SLC22A15: variants seen among roughly 807,000 people sequenced by gnomAD.
The protein encoded by SLC22A15 is flipt 1.
A neutral mutation model predicts 62.7 loss-of-function variants in SLC22A15; 45 were observed. That is an observed-to-expected ratio of 0.72 (90% confidence interval 0.56 to 0.92). SLC22A15 has a LOEUF of 0.92. SLC22A15 is among the 40% of genes least tolerant of loss of function. The pLI, the probability that SLC22A15 is intolerant of heterozygous loss-of-function variation, is 0.00. For synonymous variants in SLC22A15, 264 were observed against 267.0 expected (o/e 0.99, Z 0.11); for missense variants, 622 against 665.6 (o/e 0.93, Z 0.72).
chr1:116,058,947 C>G (rs1658304076), intron 8 of SLC22A15, among the ~76,000 whole-genome samples: 1 of 152,080 alleles, frequency 6.6e-6, no homozygotes, highest in African/African-American at 2.4e-5. Context: ...ATACAGTGGA[C>G]TTTGGGGACT....
chr1:116,053,815 G>A (rs934816172), intron 8 of SLC22A15, among the ~76,000 whole-genome samples: 13 of 151,854 alleles, frequency 8.6e-5, no homozygotes, highest in Non-Finnish European at 1.6e-4. Context: ...AGCTTCATAA[G>A]TGAAGGAGAA....
At chr1:116,019,517 C>A in intron 2 of SLC22A15, 65 bp from the exon 3 acceptor site, 1 of 1,482,936 alleles carries the variant, frequency 6.7e-7, no homozygotes, top group African/African-American at 1.4e-5. Context: ...GTTTTTGTTG[C>A]ACATTTGGTT....
At chr1:116,024,173 G>A (rs1210105514) in intron 4 of SLC22A15, among the ~76,000 whole-genome samples, 1 of 152,176 alleles carries the variant, frequency 6.6e-6, no homozygotes, top group Non-Finnish European at 1.5e-5. Flanking sequence ...ACCAGTGGTG[G>A]GTTAGACAGG....
intron 10 of SLC22A15, 147 bp from the exon 11 acceptor site, chr1:116,066,373 G>A (rs922811918): frequency 1.6e-6 from 1 of 621,678 alleles, no homozygotes; most frequent in Non-Finnish European, 2.7e-6. Flanking sequence ...TTCTTTATGT[G>A]GAAAGAAGTG....
intron 1 of SLC22A15, among the ~76,000 whole-genome samples, chr1:115,988,358 A>C (rs1252542315): frequency 2.6e-5 from 4 of 152,122 alleles, no homozygotes; most frequent in Non-Finnish European, 5.9e-5. Flanking sequence ...TGGGGGGGAA[A>C]GGAATACTAT....
At chr1:116,011,208 A>G (rs1171078528) in intron 2 of SLC22A15, among the ~76,000 whole-genome samples, 1 of 152,174 alleles carries the variant, frequency 6.6e-6, no homozygotes, top group East Asian at 1.9e-4. Context: ...TGAATCATCC[A>G]TGGCACATTT....
At chr1:115,998,268 GT>G (rs1191077372) in intron 2 of SLC22A15, among the ~76,000 whole-genome samples, 2 of 152,044 alleles carry the variant, frequency 1.3e-5, no homozygotes, top group African/African-American at 4.8e-5. Context: ...TCTTTGTCTG[GT>G]TTTGGTGTCA....
At chr1:115,982,211 C>G (rs1346260440) in intron 1 of SLC22A15, among the ~76,000 whole-genome samples, 1 of 152,108 alleles carries the variant, frequency 6.6e-6, no homozygotes, top group Admixed American at 6.5e-5. Flanking sequence ...ACTTCTTTGA[C>G]CAAACACTCA....
intron 5 of SLC22A15, among the ~76,000 whole-genome samples, chr1:116,028,130 G>C (rs1022443311): frequency 6.6e-5 from 10 of 152,152 alleles, no homozygotes; most frequent in Non-Finnish European, 1.3e-4. Context: ...TCTAAATTGA[G>C]ATTTGGTGGG....
At chr1:115,981,540 C>A (rs1384399248) in intron 1 of SLC22A15, among the ~76,000 whole-genome samples, 1 of 152,168 alleles carries the variant, frequency 6.6e-6, no homozygotes, top group Non-Finnish European at 1.5e-5. Flanking sequence ...CCACACTGGC[C>A]CCCACACCCT....
chr1:116,027,165 C>T, intron 5 of SLC22A15, 143 bp downstream of exon 5: 1 of 769,516 alleles, frequency 1.3e-6, no homozygotes, highest in Non-Finnish European at 2.2e-6. Context: ...GCAAGTGCTC[C>T]AATTCTTGGC....
At chr1:116,000,954 G>A (rs963347052) in intron 2 of SLC22A15, among the ~76,000 whole-genome samples, 23 of 152,006 alleles carry the variant, frequency 1.5e-4, no homozygotes, top group Non-Finnish European at 2.8e-4. Context: ...ATTTCTTATT[G>A]CTCATTAATG....
At chr1:115,998,800 A>C (rs927077271) in intron 2 of SLC22A15, among the ~76,000 whole-genome samples, 2 of 150,990 alleles carry the variant, frequency 1.3e-5, no homozygotes, top group Non-Finnish European at 3.0e-5. Context: ...TCTCATCTTT[A>C]TTATTTCTTT....
At chr1:115,978,956 GCAA>G (rs1224570231) in intron 1 of SLC22A15, among the ~76,000 whole-genome samples, 1 of 152,132 alleles carries the variant, frequency 6.6e-6, no homozygotes, top group Non-Finnish European at 1.5e-5. Flanking sequence ...CAACAACACA[GCAA>G]CAAGGCCAGA....
At chr1:116,038,035 G>T (rs1009853836) in intron 8 of SLC22A15, among the ~76,000 whole-genome samples, 3 of 152,108 alleles carry the variant, frequency 2.0e-5, no homozygotes, top group Admixed American at 6.5e-5. Context: ...TGTAGCTATT[G>T]CTGGTTTTCA....
intron 1 of SLC22A15, among the ~76,000 whole-genome samples, chr1:115,988,533 A>AT (rs1398111788): frequency 2.0e-5 from 3 of 152,128 alleles, no homozygotes; most frequent in African/African-American, 7.2e-5. Context: ...TAGAGGATCT[A>AT]TTTTTTGGGG....
In SLC22A15 at chr1:115,976,604, C is replaced by T; in HGVS notation, c.-24C>T. ...AGCGCCTGAGAGGGCGGTGGGGTGG[C>T]GGGGTTCCTGCGCGCGGCCCGCCAT... On this transcript the variant is annotated 5_prime_UTR_variant, in exon 1 of 12. Coordinates refer to ENST00000369503, the MANE Select transcript of SLC22A15 (RefSeq NM_018420.3). 1 of 1,545,522 alleles carries T rather than the reference C, an allele frequency of 6.5e-7. No homozygotes were observed. Among genetic ancestry groups the T allele is most frequent in the Non-Finnish European group, 8.7e-7 (1 of 1,146,984 alleles).
At chr1:116,058,104 A>G (rs531054969) in intron 8 of SLC22A15, among the ~76,000 whole-genome samples, 1 of 151,514 alleles carries the variant, frequency 6.6e-6, no homozygotes, top group African/African-American at 2.4e-5. Flanking sequence ...ACTAATACAT[A>G]AAAAAAATAG....
chr1:116,065,002 T>C (rs1658463098), intron 10 of SLC22A15, among the ~76,000 whole-genome samples: 1 of 152,082 alleles, frequency 6.6e-6, no homozygotes, highest in South Asian at 2.1e-4. Flanking sequence ...TCTCACTGTG[T>C]CTGTTAATAT....
Sources: gnomAD v4.1 joint callset for allele counts (sites outside exome capture counted in the v4.1 genomes callset) on GRCh38, gnomAD v4.1.1 for gene constraint, MANE v1.5 for transcripts, NCBI Gene and HGNC (gene_info 2026-07-23, HGNC 2026-07-21) for gene names.